The following DGAT2 variants were observed in gnomAD, a reference collection of about 807,000 sequenced individuals.
DGAT2 encodes the protein acyl-CoA retinol O-fatty-acyltransferase.
In DGAT2, 33 loss-of-function variants were observed where a neutral mutation model predicts 48.4. The ratio of observed to expected loss-of-function variants is 0.68; its 90% CI spans 0.52 to 0.91. DGAT2 has a LOEUF of 0.91. Among genes scored for constraint, DGAT2 ranks in the 40% least tolerant of loss-of-function variants. The pLI is 0.00. For missense variants in DGAT2, 446 were observed against 493.7 expected (o/e 0.90, Z 0.92); for synonymous variants, 191 against 194.1 (o/e 0.98, Z 0.13).
At chr11:75,786,184 A>G (rs1447126183) in intron 2 of DGAT2, among the ~76,000 whole-genome samples, 3 of 150,656 alleles carry the variant, frequency 2.0e-5, no homozygotes, top group African/African-American at 7.5e-5. Flanking sequence ...AACTGAGCAA[A>G]CTAAACAGTC....
chr11:75,797,434 A>G (rs1945069539), intron 6 of DGAT2, 102 bp downstream of exon 6: 2 of 1,266,668 alleles, frequency 1.6e-6, no homozygotes, highest in South Asian at 2.3e-5. Context: ...CCAGGAAGGC[A>G]TGGAAGGGAG....
At chr11:75,773,349 A>G (rs183513719) in intron 1 of DGAT2, among the ~76,000 whole-genome samples, 128 of 152,274 alleles carry the variant, frequency 8.4e-4, no homozygotes, top group African/African-American at 2.8e-3. Context: ...GCCAGTCTCA[A>G]TGGTCACCCT....
chr11:75,777,164 GCCCAA>G (rs1944810971), intron 1 of DGAT2, among the ~76,000 whole-genome samples: 1 of 151,020 alleles, frequency 6.6e-6, no homozygotes, highest in African/African-American at 2.4e-5. Flanking sequence ...GCCTCAAGGA[GCCCAA>G]GAGGCTGTTC....
Position 75,797,237 on chromosome 11 carries a change from C to CG in DGAT2, c.719dup (p.Ala241CysfsTer3). 8.9e-6 allele frequency: 14 copies of CG among 1,581,726 alleles called. No individual in the cohort carries two copies. The highest frequency in any genetic ancestry group is 1.2e-5 in the Non-Finnish European group (14 of 1,163,280). ...GTGGCAATGCTATCATCATCGTGGTCGGGGGTGCGGCTGAGTCTCTGAGCT... is the reference window on the plus strand; with the variant it reads ...GTGGCAATGCTATCATCATCGTGGTCGGGGGGTGCGGCTGAGTCTCTGAGCT... On this transcript the variant is annotated frameshift_variant, in exon 6 of 8. Transcript: ENST00000228027. LOFTEE classifies it high-confidence loss of function.
In DGAT2 at chr11:75,784,666, C is replaced by G; in HGVS notation, c.170C>G (p.Thr57Ser). The change falls in exon 2 of 8, where the codon ACC (threonine) becomes AGC (serine). Residue 57 changes from threonine (T) to serine (S), a missense_variant. Thr to Ser is a moderately conservative substitution (Grantham distance 58). Transcript: ENST00000228027. ...LSALQDLFSV[T>S]WLNRSKVEKQ... ...GCCCTCCAGGACCTCTTCTCTGTCA[C>G]CTGGCTCAATAGGTCCAAGGTGGAA... The G allele has an allele frequency of 1.2e-6, 2 of 1,614,138 alleles. No individual in the cohort carries two copies. The highest frequency in any genetic ancestry group is 1.7e-6 in the Non-Finnish European group (2 of 1,179,990).
chr11:75,780,953 G>A (rs1944857057), intron 1 of DGAT2, among the ~76,000 whole-genome samples: 1 of 152,254 alleles, frequency 6.6e-6, no homozygotes, highest in Admixed American at 6.5e-5. Flanking sequence ...AGTGGCCAGA[G>A]CACCTCCTTG....
chr11:75,786,807 G>GA (rs1480636585), intron 2 of DGAT2, among the ~76,000 whole-genome samples: 1 of 152,210 alleles, frequency 6.6e-6, no homozygotes, highest in South Asian at 2.1e-4. Flanking sequence ...CCCTGGACCA[G>GA]AGATTTTTCA....
intron 1 of DGAT2, among the ~76,000 whole-genome samples, chr11:75,774,989 C>A (rs1351596011): frequency 6.6e-6 from 1 of 152,170 alleles, no homozygotes; most frequent in African/African-American, 2.4e-5. Context: ...CTAAGAGTCT[C>A]ACTTCCTTGG....
At chr11:75,779,859 G>A (rs1175690401) in intron 1 of DGAT2, among the ~76,000 whole-genome samples, 1 of 152,242 alleles carries the variant, frequency 6.6e-6, no homozygotes, top group African/African-American at 2.4e-5. Flanking sequence ...TGATGGGGCT[G>A]GTTTTGCCTC....
chr11:75,793,082 T>C (rs1945008952), intron 4 of DGAT2: 1 of 151,872 alleles, frequency 6.6e-6, no homozygotes, highest in South Asian at 2.1e-4. Flanking sequence ...GTATAAAGAG[T>C]GACTTGATAG....
intron 2 of DGAT2, among the ~76,000 whole-genome samples, chr11:75,785,106 G>T (rs1006724672): frequency 3.3e-5 from 5 of 152,162 alleles, no homozygotes; most frequent in African/African-American, 1.2e-4. Context: ...CCCACCAACA[G>T]ACATTTTCCA....
rs528798683 is a variant in DGAT2, at chr11:75,770,099, A to G, written c.121+987A>G. On this transcript the variant is annotated intron_variant, in intron 1 of 7. Coordinates refer to ENST00000228027, the MANE Select transcript of DGAT2 (RefSeq NM_032564.5). ...GATACCTTCCTATTAGCATTTTAGT[A>G]TATCTCTTGATCATTTTCTTTATAC... is the stretch of plus-strand genomic sequence containing the variant. Among the ~76,000 whole-genome samples, 26 of 152,342 alleles carry G rather than the reference A, an allele frequency of 1.7e-4. No individual in the cohort carries two copies. The South Asian group carries it at 1.9e-3, about 11-fold the overall frequency.
chr11:75,769,852 C>T (rs1304274881), intron 1 of DGAT2, among the ~76,000 whole-genome samples: 1 of 152,166 alleles, frequency 6.6e-6, no homozygotes, highest in Admixed American at 6.5e-5. Context: ...CCTGGGAAGT[C>T]ATCACAGCTG....
intron 6 of DGAT2, 90 bp from the exon 7 acceptor site, chr11:75,798,137 G>C: frequency 7.5e-7 from 1 of 1,335,948 alleles, no homozygotes; most frequent in South Asian, 1.3e-5. Context: ...GGGGGAGGGG[G>C]ATGCTTGGCC....
chr11:75,794,277 G>C (rs916512073), intron 4 of DGAT2: 2 of 152,206 alleles, frequency 1.3e-5, no homozygotes, highest in African/African-American at 4.8e-5. Flanking sequence ...AAGTCCTTCA[G>C]CTCTGCCAGG....
At chr11:75,769,167 C>T in intron 1 of DGAT2, 55 bp downstream of exon 1, 3 of 1,507,050 alleles carry the variant, frequency 2.0e-6, no homozygotes, top group Non-Finnish European at 2.6e-6. Context: ...CTGGAAAGGG[C>T]CCTGTGGCAG....
Position 75,800,390 on chromosome 11 carries a change from C to T in DGAT2, c.1049C>T (p.Pro350Leu), listed in dbSNP as rs1386528396. The T allele has an allele frequency of 6.2e-7, 1 of 1,614,184 alleles. No homozygotes were observed. Among genetic ancestry groups the T allele is most frequent in the Admixed American group, 1.7e-5 (1 of 60,022 alleles). The change falls in exon 8 of 8, where the codon CCA becomes CTA. Residue 350 changes from proline to leucine, a missense_variant. Pro to Leu is a moderately conservative substitution (Grantham distance 98, BLOSUM62 -3). Transcript: ENST00000228027. ...ATCACCATCCCCAAGCTGGAGCACC[C>T]AACCCAGCAAGACATCGACCTGTAC... ...EPITIPKLEH[P>L]TQQDIDLYHT...
intron 1 of DGAT2, among the ~76,000 whole-genome samples, chr11:75,774,221 G>A (rs1387984555): frequency 1.3e-5 from 2 of 152,212 alleles, no homozygotes; most frequent in Non-Finnish European, 2.9e-5. Context: ...GGGCCTCATG[G>A]GCAGGGCCCA....
At position 75,800,910 on chromosome 11, in the gene DGAT2, C is replaced by A; in HGVS notation, c.*402C>A. The A allele has an allele frequency of 4.9e-6, 1 of 203,032 alleles. No homozygotes were observed. Among genetic ancestry groups the A allele is most frequent in the Admixed American group, 5.6e-5 (1 of 17,864 alleles). The allele number at this position is 203,032 out of a possible 1,614,324, so 12.6% of individuals were successfully genotyped here. On this transcript the variant is annotated 3_prime_UTR_variant, in exon 8 of 8. Coordinates refer to ENST00000228027, the MANE Select transcript of DGAT2 (RefSeq NM_032564.5). ...ATACAAGCCCCTTTATTGCCACTACCCCACGCTCGTCTAGTCCTGAAACTG... is the reference window on the plus strand; with the variant it reads ...ATACAAGCCCCTTTATTGCCACTACACCACGCTCGTCTAGTCCTGAAACTG...
Sources: gnomAD v4.1 joint callset for allele counts (sites outside exome capture counted in the v4.1 genomes callset) on GRCh38, gnomAD v4.1.1 for gene constraint, MANE v1.5 for transcripts, NCBI Gene and HGNC (gene_info 2026-07-23, HGNC 2026-07-21) for gene names.